The following FAM3B variants were observed in gnomAD, a reference collection of about 807,000 sequenced individuals.
FAM3B encodes protein FAM3B.
FAM3B carries 29 observed loss-of-function variants against 28.4 expected under a neutral mutation model. That is an observed-to-expected ratio of 1.02 (90% CI 0.76 to 1.39). The LOEUF (loss-of-function observed/expected upper bound fraction) is 1.39. Among genes scored for constraint, FAM3B ranks in the 40% most tolerant of loss-of-function variants. The pLI is 0.00. For missense variants in FAM3B, 266 were observed against 293.9 expected, an observed-to-expected ratio of 0.91 and a Z score of 0.69; for synonymous variants, 91 against 103.0, an observed-to-expected ratio of 0.88 and a Z score of 0.71.
At position 41,338,520 on chromosome 21, in the gene FAM3B, A is replaced by T; in HGVS notation, c.287+19A>T. Reference sequence around the variant, plus strand: ...ATAACCTGTAAGTACCAGCGTTTAGAAGGAAAATAAAGCGATCCTACTGAT... The same window carrying T: ...ATAACCTGTAAGTACCAGCGTTTAGTAGGAAAATAAAGCGATCCTACTGAT... On this transcript the variant is annotated intron_variant, in intron 3 of 7. Coordinates refer to ENST00000357985, the MANE Select transcript of FAM3B (RefSeq NM_058186.4). The T allele has an allele frequency of 1.2e-6, 2 of 1,613,538 alleles. No individual in the cohort carries two copies. Among genetic ancestry groups the T allele is most frequent in the Non-Finnish European group, 1.7e-6 (2 of 1,179,676 alleles).
In FAM3B at chr21:41,357,663, A is replaced by C. The variant is rs1346244860; in HGVS notation, c.*466A>C. On this transcript the variant is annotated 3_prime_UTR_variant, in exon 8 of 8. Transcript: ENST00000357985. The stretch of plus-strand genomic sequence containing the variant: ...TTATGTTATGTCCTTGTTCAACTCA[A>C]CTTGAGCTCTTGAACTCCTCCTGTG... Among the ~76,000 whole-genome samples the C allele has an allele frequency of 6.6e-6, 1 of 152,154 alleles. No homozygotes were observed.
chr21:41,339,450 G>C (rs1241457683), intron 3 of FAM3B, among the ~76,000 whole-genome samples: 1 of 152,144 alleles, frequency 6.6e-6, no homozygotes, highest in Non-Finnish European at 1.5e-5. Flanking sequence ...GACACTCATG[G>C]GCCCTTGATA....
chr21:41,319,475 G>C (rs928442587), intron 1 of FAM3B: 1 of 152,270 alleles, frequency 6.6e-6, no homozygotes, highest in Non-Finnish European at 1.5e-5. Flanking sequence ...CAGGATCCTG[G>C]TTTCAAAATC....
chr21:41,331,561 G>A (rs2088905888), intron 2 of FAM3B, among the ~76,000 whole-genome samples: 1 of 151,976 alleles, frequency 6.6e-6, no homozygotes, highest in South Asian at 2.1e-4. Context: ...GTAATTTCAT[G>A]GTTTCAGGTT....
intron 3 of FAM3B, among the ~76,000 whole-genome samples, chr21:41,342,189 A>G (rs1160922797): frequency 7.2e-5 from 11 of 152,076 alleles, no homozygotes; most frequent in Non-Finnish European, 1.5e-4. Context: ...TAGGTTCTAT[A>G]TTTTCCTTTT....
chr21:41,327,859 G>A (rs1355973179), intron 2 of FAM3B, among the ~76,000 whole-genome samples: 1 of 152,202 alleles, frequency 6.6e-6, no homozygotes, highest in East Asian at 1.9e-4. Context: ...TCTTTTAGGA[G>A]CCATCAGGGC....
chr21:41,335,429 C>T (rs1239015880), intron 2 of FAM3B, among the ~76,000 whole-genome samples: 5 of 152,128 alleles, frequency 3.3e-5, no homozygotes, highest in Non-Finnish European at 7.4e-5. Flanking sequence ...AGCACCATCC[C>T]CCTGAGGCAG....
At chr21:41,332,557 C>T (rs2088915572) in intron 2 of FAM3B, among the ~76,000 whole-genome samples, 1 of 152,152 alleles carries the variant, frequency 6.6e-6, no homozygotes, top group Admixed American at 6.5e-5. Flanking sequence ...TGGAAGCATT[C>T]CCTCCTCTTC....
upstream of FAM3B, among the ~76,000 whole-genome samples, chr21:41,311,861 A>G (rs190786524): frequency 2.0e-5 from 3 of 152,328 alleles, no homozygotes; most frequent in East Asian, 5.8e-4. Flanking sequence ...TTTACAAAAG[A>G]AAGAGGTTTA....
rs1244916895 is a variant in FAM3B, at chr21:41,311,250, AAATATATATATATAT to A, written n.99+6942_99+6956del. Among the ~76,000 whole-genome samples, 258 of 55,932 alleles carry A rather than the reference AAATATATATATATAT, an allele frequency of 4.6e-3. 1 individual carries two copies. The highest frequency in any genetic ancestry group is 9.1e-3 in the African/African-American group (116 of 12,808). The allele number at this position is 55,932 out of a possible 152,430, so 36.7% of individuals were successfully genotyped here. ...CCCTGTCTCTACAAAAAAAAAAAAA[AAATATATATATATAT>A]ATATATATATATATATATATATATA... On this transcript the variant is annotated intron_variant and non_coding_transcript_variant, in intron 1 of 9. Coordinates refer to the FAM3B transcript ENST00000479810.
Position 41,340,696 on chromosome 21 carries a change from G to T in FAM3B, c.287+2195G>T, listed in dbSNP as rs569463415. Among the ~76,000 whole-genome samples, 5 of 152,080 alleles carry T rather than the reference G, an allele frequency of 3.3e-5. No individual in the cohort carries two copies. The South Asian group carries it at 1.0e-3, about 32-fold the overall frequency. ...TCCATTTGCTTTCAATGCTAGGTTT[G>T]TTTTTCTTTGGGTTTCATTTAATTT... On this transcript the variant is annotated intron_variant, in intron 3 of 7. Transcript: ENST00000357985.
intron 1 of FAM3B, among the ~76,000 whole-genome samples, chr21:41,307,164 A>G (rs754328056): frequency 5.9e-5 from 9 of 152,270 alleles, no homozygotes; most frequent in Non-Finnish European, 1.3e-4. Context: ...GACATTCTGT[A>G]GCTTCTGCAT....
chr21:41,317,884 T>C (rs568643975), intron 1 of FAM3B, among the ~76,000 whole-genome samples: 4 of 152,280 alleles, frequency 2.6e-5, no homozygotes, highest in Non-Finnish European at 2.9e-5. Flanking sequence ...GTGTAAAATA[T>C]TCATATTTTC....
At position 41,321,738 on chromosome 21, in the gene FAM3B, C is replaced by T. The variant is rs180686896; in HGVS notation, c.20-1185C>T. Among the ~76,000 whole-genome samples, 13 of 152,366 alleles carry T rather than the reference C, an allele frequency of 8.5e-5. No homozygotes were observed. The East Asian group carries it at 1.9e-3, about 23-fold the overall frequency. On this transcript the variant is annotated intron_variant, in intron 1 of 7. Transcript: ENST00000357985. ...CGCTGGGCCTCCAAGCAATAGCACA[C>T]GCTGCCTTGGCGCAGCATAGCCGGT... is the stretch of plus-strand genomic sequence containing the variant.
At chr21:41,335,593 G>A (rs1218019085) in intron 2 of FAM3B, among the ~76,000 whole-genome samples, 10 of 152,188 alleles carry the variant, frequency 6.6e-5, no homozygotes, top group African/African-American at 9.7e-5. Context: ...CAGAAGCTCA[G>A]CAGATGCTAG....
At chr21:41,345,008 G>A (rs1483132962) in intron 4 of FAM3B, among the ~76,000 whole-genome samples, 1 of 152,242 alleles carries the variant, frequency 6.6e-6, no homozygotes, top group African/African-American at 2.4e-5. Flanking sequence ...CCTTTGAGGG[G>A]CCCAGAGGAG....
At chr21:41,354,609 G>A (rs1245066964) in intron 7 of FAM3B, among the ~76,000 whole-genome samples, 1 of 152,136 alleles carries the variant, frequency 6.6e-6, no homozygotes, top group African/African-American at 2.4e-5. Context: ...CATTCCTACT[G>A]ATAAGTAGGA....
At chr21:41,311,249 AAAATATATATAT>A (rs1315467098) in intron 1 of FAM3B, among the ~76,000 whole-genome samples, 10 of 56,638 alleles carry the variant, frequency 1.8e-4, no homozygotes, top group Admixed American at 7.5e-4. Flanking sequence ...AAAAAAAAAA[AAAATATATATAT>A]ATATATATAT....
At chr21:41,313,974 G>A (rs2088729947), upstream of FAM3B, among the ~76,000 whole-genome samples, 1 of 152,138 alleles carries the variant, frequency 6.6e-6, no homozygotes, top group South Asian at 2.1e-4. Context: ...TAGCTGCCAT[G>A]GATGAATTGC....
Sources: gnomAD v4.1 joint callset for allele counts (sites outside exome capture counted in the v4.1 genomes callset) on GRCh38, gnomAD v4.1.1 for gene constraint, MANE v1.5 for transcripts, NCBI Gene and HGNC (gene_info 2026-07-23, HGNC 2026-07-21) for gene names.